Variants in EXT2 observed in about 807,000 individuals in gnomAD.
The protein encoded by EXT2 is exostosin glycosyltransferase 2.
EXT2 carries 53 observed loss-of-function variants against 81.6 expected under a neutral mutation model. The observed-to-expected ratio is 0.65, with a 90% confidence interval of 0.52 to 0.82. The LOEUF (loss-of-function observed/expected upper bound fraction) is 0.82, where lower values mean the gene tolerates loss of function less well. EXT2 is among the 40% of genes least tolerant of loss of function. EXT2 has a pLI of 0.00. For synonymous variants in EXT2, 320 were observed against 340.0 expected, an observed-to-expected ratio of 0.94 and a Z score of 0.65; for missense variants, 774 against 910.2, an observed-to-expected ratio of 0.85 and a Z score of 1.93.
chr11:44,208,782 A>T (rs570701864), intron 10 of EXT2, among the ~76,000 whole-genome samples: 2 of 152,226 alleles, frequency 1.3e-5, no homozygotes, highest in Admixed American at 6.5e-5. Flanking sequence ...TAACTTGCTT[A>T]TAGTCACATA....
intron 1 of EXT2, chr11:44,096,323 T>G (rs1953895364): frequency 1.3e-6 from 2 of 1,534,558 alleles, no homozygotes; most frequent in Admixed American, 2.0e-5. Flanking sequence ...TGGGACGAGG[T>G]AGGGAAGGGG....
At position 44,251,889 on chromosome 11, in the gene EXT2, C is replaced by T. The variant is rs1956141070; in HGVS notation, c.*7602C>T. Reference sequence around the variant, plus strand: ...TACCTACTTTCGTCAAGCTTACATTCTAATGAGGAAGATAACCAAAACAAG... The same window carrying T: ...TACCTACTTTCGTCAAGCTTACATTTTAATGAGGAAGATAACCAAAACAAG... On this transcript the variant is annotated 3_prime_UTR_variant, in exon 14 of 14. Coordinates refer to ENST00000533608, the MANE Select transcript of EXT2 (RefSeq NM_207122.2). Among the ~76,000 whole-genome samples, 1 of 152,108 alleles carries T rather than the reference C, an allele frequency of 6.6e-6. No homozygotes were observed. Among genetic ancestry groups the T allele is most frequent in the African/African-American group, 2.4e-5 (1 of 41,412 alleles).
At chr11:44,173,654 C>T (rs1489218680) in intron 8 of EXT2, among the ~76,000 whole-genome samples, 5 of 148,802 alleles carry the variant, frequency 3.4e-5, no homozygotes, top group Admixed American at 6.8e-5. Context: ...CTGCAAGTTC[C>T]GCCTTCTGGG....
chr11:44,153,328 T>C (rs1158102208), intron 7 of EXT2, among the ~76,000 whole-genome samples: 1 of 152,214 alleles, frequency 6.6e-6, no homozygotes, highest in African/African-American at 2.4e-5. Flanking sequence ...ATTGCTAGTG[T>C]ATATGAAAGG....
chr11:44,233,325 G>A (rs1397759302), intron 11 of EXT2, among the ~76,000 whole-genome samples: 2 of 152,098 alleles, frequency 1.3e-5, no homozygotes, highest in African/African-American at 4.8e-5. Flanking sequence ...AAAGAAATGA[G>A]CAATTTTGAT....
intron 8 of EXT2, among the ~76,000 whole-genome samples, chr11:44,175,030 T>G (rs1160243755): frequency 6.6e-6 from 1 of 152,216 alleles, no homozygotes; most frequent in Non-Finnish European, 1.5e-5. Flanking sequence ...AAACAAGTGA[T>G]CACTGAAGCC....
intron 7 of EXT2, among the ~76,000 whole-genome samples, chr11:44,141,508 ATTAGT>A (rs1371632751): frequency 6.6e-6 from 1 of 152,238 alleles, no homozygotes; most frequent in Non-Finnish European, 1.5e-5. Flanking sequence ...ATATCATCTA[ATTAGT>A]TAAGTTTAAT....
intron 7 of EXT2, among the ~76,000 whole-genome samples, chr11:44,136,965 T>C (rs1954579130): frequency 6.6e-6 from 1 of 152,154 alleles, no homozygotes; most frequent in African/African-American, 2.4e-5. Flanking sequence ...TTTTGTGGGA[T>C]ATTTTAAATT....
chr11:44,098,610 G>A (rs947245125), intron 1 of EXT2, among the ~76,000 whole-genome samples: 3 of 150,724 alleles, frequency 2.0e-5, no homozygotes, highest in Non-Finnish European at 2.9e-5. Context: ...CACGAGAATC[G>A]CTTGAACCCA....
intron 8 of EXT2, among the ~76,000 whole-genome samples, chr11:44,187,096 G>A (rs931298017): frequency 1.5e-5 from 2 of 132,466 alleles, no homozygotes; most frequent in African/African-American, 5.6e-5. Context: ...CTTCTGCAGC[G>A]GCACAATCAT....
Position 44,113,057 on chromosome 11 carries a change from C to T in EXT2, c.627-1128C>T, listed in dbSNP as rs11037868. On this transcript the variant is annotated intron_variant, in intron 3 of 13. Transcript: ENST00000533608. ...TGCATGATAATCAGGAAAAATAAGACCGTATGTTGGTACTAAGGATAGTTA... is the reference window on the plus strand; with the variant it reads ...TGCATGATAATCAGGAAAAATAAGATCGTATGTTGGTACTAAGGATAGTTA... 0.021 allele frequency among the ~76,000 whole-genome samples: 3,215 copies of T among 152,246 alleles called. 261 individuals are homozygous for T. In the East Asian group the frequency reaches 0.29, roughly 14 times the overall value.
At chr11:44,167,698 C>G (rs1230069960) in intron 7 of EXT2, among the ~76,000 whole-genome samples, 1 of 147,308 alleles carries the variant, frequency 6.8e-6, no homozygotes, top group Non-Finnish European at 1.5e-5. Flanking sequence ...ACCAAATGAC[C>G]AAAATGAAGA....
chr11:44,236,268 G>A (rs1305854076), intron 12 of EXT2, 25 bp from the exon 13 acceptor site: 2 of 1,604,874 alleles, frequency 1.2e-6, no homozygotes, highest in Admixed American at 3.3e-5. Flanking sequence ...TGACAGCCAG[G>A]TATGTTTTTG....
rs1207062791 is a variant in EXT2 at position 44,108,051 on chromosome 11, G to T, written c.339G>T (p.Lys113Asn). 6.2e-7 allele frequency: 1 copy of T among 1,614,166 alleles called. No homozygotes were observed. Among genetic ancestry groups the T allele is most frequent in the East Asian group, 2.2e-5 (1 of 44,876 alleles). ...KIKVYIYALK[K>N]YVDDFGVSVS... ...AGGTGTATATCTATGCTCTGAAAAA[G>T]TACGTGGATGACTTTGGCGTCTCTG... The change falls in exon 2 of 14, where the codon AAG becomes AAT. Residue 113 changes from lysine (K) to asparagine (N), a missense_variant. Transcript: ENST00000533608.
intron 10 of EXT2, among the ~76,000 whole-genome samples, chr11:44,221,481 G>T (rs1297075350): frequency 6.6e-6 from 1 of 152,144 alleles, no homozygotes; most frequent in African/African-American, 2.4e-5. Flanking sequence ...AACCCTGAAA[G>T]GATCCATATG....
chr11:44,122,736 G>T (rs922009960), intron 4 of EXT2, among the ~76,000 whole-genome samples: 1 of 152,132 alleles, frequency 6.6e-6, no homozygotes, highest in African/African-American at 2.4e-5. Context: ...CTGGCCTCTG[G>T]CTCTCACCTA....
At chr11:44,189,071 T>A (rs1252144649) in intron 8 of EXT2, among the ~76,000 whole-genome samples, 1 of 152,212 alleles carries the variant, frequency 6.6e-6, no homozygotes, top group Non-Finnish European at 1.5e-5. Context: ...AGTAGACATA[T>A]TTGGCCTGCT....
chr11:44,251,130 G>A lies in EXT2; in HGVS notation c.*6843G>A, dbSNP rs1323296252. On this transcript the variant is annotated 3_prime_UTR_variant, in exon 14 of 14. Transcript: ENST00000533608. ...AGTTGGTTTGATATCTTACAACTTG[G>A]CCAAATGAGGGTTCCATTAACTCCA... Among the ~76,000 whole-genome samples the A allele has an allele frequency of 1.3e-5, 2 of 152,136 alleles. No homozygotes were observed. Among genetic ancestry groups the A allele is most frequent in the African/African-American group, 2.4e-5 (1 of 41,416 alleles).
chr11:44,238,873 T>G (rs1270489884), intron 13 of EXT2, among the ~76,000 whole-genome samples: 1 of 152,216 alleles, frequency 6.6e-6, no homozygotes, highest in South Asian at 2.1e-4. Flanking sequence ...CTATTAGTGC[T>G]GGACTCCAAA....
Sources: gnomAD v4.1 joint callset for allele counts (sites outside exome capture counted in the v4.1 genomes callset) on GRCh38, gnomAD v4.1.1 for gene constraint, MANE v1.5 for transcripts, NCBI Gene and HGNC (gene_info 2026-07-23, HGNC 2026-07-21) for gene names.